The following RANBP3L variants were observed in gnomAD, a reference collection of about 807,000 sequenced individuals.
RANBP3L encodes ran-binding protein 3-like.
A neutral mutation model predicts 67.2 loss-of-function variants in RANBP3L; 56 were observed. The observed-to-expected ratio is 0.83, with a 90% CI of 0.67 to 1.04. RANBP3L has a LOEUF of 1.04. Among genes scored for constraint, RANBP3L ranks in the 50% least tolerant of loss-of-function variants. The pLI is 0.00. For synonymous variants in RANBP3L, 164 were observed against 181.4 expected (o/e 0.90, Z 0.77); for missense variants, 496 against 535.5 (o/e 0.93, Z 0.73).
At position 36,289,489 on chromosome 5, in the gene RANBP3L, G is replaced by A. The variant is rs185820122; in HGVS notation, c.91+11837C>T. Among the ~76,000 whole-genome samples the A allele has an allele frequency of 2.6e-5, 4 of 152,194 alleles. No individual in the cohort carries two copies. The East Asian group carries it at 5.8e-4, about 22-fold the overall frequency. The stretch of plus-strand genomic sequence containing the variant: ...TGACTCTATAGGTCAAGTTGAGGAC[G>A]ATTGACATCTTAACAATATTGAGCA... On this transcript the variant is annotated intron_variant, in intron 1 of 13. Transcript: ENST00000296604.
chr5:36,294,415 G>A (rs1003249802), intron 1 of RANBP3L, among the ~76,000 whole-genome samples: 1 of 151,898 alleles, frequency 6.6e-6, no homozygotes, highest in African/African-American at 2.4e-5. Context: ...GTTCTGCTCT[G>A]ATTTTAGTTA....
chr5:36,292,048 C>T (rs2112115596), intron 1 of RANBP3L, among the ~76,000 whole-genome samples: 1 of 142,424 alleles, frequency 7.0e-6, no homozygotes, highest in East Asian at 2.0e-4. Context: ...TTCTCCACAT[C>T]CTCTCCAGCA....
Position 36,256,938 on chromosome 5 carries a change from G to A in RANBP3L, c.903+3C>T. 6.2e-7 allele frequency: 1 copy of A among 1,610,938 alleles called. No individual in the cohort carries two copies. The highest frequency in any genetic ancestry group is 8.5e-7 in the Non-Finnish European group (1 of 1,178,202). ...CAGAAAGAGTAAAACATGATATACA[G>A]ACCTTTAACACATTATGTTCTGTTT... On this transcript the variant is annotated splice_donor_region_variant and intron_variant, in intron 10 of 13. Coordinates refer to ENST00000296604, the MANE Select transcript of RANBP3L (RefSeq NM_145000.5).
At chr5:36,260,736 G>C in intron 8 of RANBP3L, 44 bp downstream of exon 8, 2 of 784,198 alleles carry the variant, frequency 2.6e-6, no homozygotes. Context: ...AATTTAAAGT[G>C]ACAGCTCTGT....
chr5:36,261,154 CTT>C (rs982661516), intron 7 of RANBP3L, among the ~76,000 whole-genome samples: 2 of 152,152 alleles, frequency 1.3e-5, no homozygotes, highest in Non-Finnish European at 2.9e-5. Context: ...ACCCCTTTTG[CTT>C]TTCCAACACA....
At chr5:36,254,377 T>A (rs1385922182) in intron 11 of RANBP3L, among the ~76,000 whole-genome samples, 1 of 152,108 alleles carries the variant, frequency 6.6e-6, no homozygotes, top group African/African-American at 2.4e-5. Context: ...AAGATAGGCC[T>A]TTAAGTGACT....
intron 11 of RANBP3L, among the ~76,000 whole-genome samples, chr5:36,254,577 A>T (rs1300743861): frequency 6.6e-6 from 1 of 151,954 alleles, no homozygotes; most frequent in Non-Finnish European, 1.5e-5. Flanking sequence ...CCTTGGGACT[A>T]TTACTTGGTT....
chr5:36,271,139 T>C, intron 2 of RANBP3L, 114 bp downstream of exon 2: 1 of 689,846 alleles, frequency 1.4e-6, no homozygotes. Flanking sequence ...ACTACTCTGC[T>C]AGTAAAGAAC....
intron 4 of RANBP3L, 43 bp from the exon 5 acceptor site, chr5:36,265,563 G>A: frequency 8.4e-7 from 1 of 1,184,772 alleles, no homozygotes; most frequent in South Asian, 1.3e-5. Context: ...ACAGAAGAGT[G>A]TCAGATTCTA....
Position 36,274,458 on chromosome 5 carries a change from C to T in RANBP3L, c.92-3147G>A, listed in dbSNP as rs190316843. 5.3e-5 allele frequency among the ~76,000 whole-genome samples: 8 copies of T among 151,858 alleles called. No individual in the cohort carries two copies. In the East Asian group the frequency reaches 1.2e-3, roughly 22 times the overall value. ...GATGAGTAGAGGTTAGCCAGGCAAA[C>T]GTAGAAGAAGGACATTCCAAGCAGA... On this transcript the variant is annotated intron_variant, in intron 1 of 13. Transcript: ENST00000296604.
intron 8 of RANBP3L, among the ~76,000 whole-genome samples, 154 bp from the exon 9 acceptor site, chr5:36,257,710 G>C (rs1187345652): frequency 2.0e-5 from 3 of 152,174 alleles, no homozygotes; most frequent in Non-Finnish European, 4.4e-5. Context: ...GTGCTGAACA[G>C]AGAAATCGTC....
Position 36,265,068 on chromosome 5 carries a change from C to T in RANBP3L, c.371G>A (p.Arg124Lys), listed in dbSNP as rs747038144. ...GPVKHSKHVI[R>K]PAILQLPQAR... ...TTGAGGTAGCTGCAAAATAGCAGGT[C>T]TAATAACATGTTTAGAATGTTTCAC... is the stretch of plus-strand genomic sequence containing the variant. The change falls in exon 6 of 14, where the codon AGA becomes AAA. Residue 124 changes from arginine (R) to lysine (K), a missense_variant. Coordinates refer to ENST00000296604, the MANE Select transcript of RANBP3L (RefSeq NM_145000.5). The T allele has an allele frequency of 3.7e-6, 6 of 1,609,808 alleles. No homozygotes were observed. In the Admixed American group the frequency reaches 1.0e-4, roughly 27 times the overall value.
At chr5:36,287,530 T>C (rs1751412368) in intron 1 of RANBP3L, among the ~76,000 whole-genome samples, 1 of 152,166 alleles carries the variant, frequency 6.6e-6, no homozygotes, top group Admixed American at 6.5e-5. Context: ...ATTTTAGGTG[T>C]TTATTAAACG....
At chr5:36,284,624 G>A (rs889977396) in intron 1 of RANBP3L, among the ~76,000 whole-genome samples, 1 of 152,098 alleles carries the variant, frequency 6.6e-6, no homozygotes, top group Non-Finnish European at 1.5e-5. Context: ...GCTCTCCAAG[G>A]CTGTATCAGT....
intron 1 of RANBP3L, among the ~76,000 whole-genome samples, chr5:36,285,749 A>T (rs951532205): frequency 2.0e-5 from 3 of 152,194 alleles, no homozygotes; most frequent in Non-Finnish European, 2.9e-5. Context: ...GAGGCTTCTT[A>T]TTACAAGGTT....
intron 4 of RANBP3L, 27 bp from the exon 5 acceptor site, chr5:36,265,547 T>G (rs1749703062): frequency 4.4e-6 from 6 of 1,378,088 alleles, no homozygotes; most frequent in Middle Eastern, 1.9e-4. Flanking sequence ...TTAAATTTTT[T>G]TAAATACAGA....
chr5:36,287,719 G>T (rs186922266), intron 1 of RANBP3L, among the ~76,000 whole-genome samples: 43 of 152,232 alleles, frequency 2.8e-4, no homozygotes, highest in Non-Finnish European at 4.4e-4. Context: ...AATTTATCCT[G>T]TGCTAATCTC....
At chr5:36,256,570 C>T (rs1279140348) in intron 10 of RANBP3L, among the ~76,000 whole-genome samples, 6 of 151,976 alleles carry the variant, frequency 3.9e-5, no homozygotes, top group Non-Finnish European at 5.9e-5. Context: ...AGAAGGAAAA[C>T]GAAATTCTTA....
intron 1 of RANBP3L, among the ~76,000 whole-genome samples, chr5:36,299,707 G>A (rs570474671): frequency 6.6e-6 from 1 of 151,992 alleles, no homozygotes; most frequent in Non-Finnish European, 1.5e-5. Flanking sequence ...TAAAATATTA[G>A]AAATAAATAA....
Sources: gnomAD v4.1 joint callset for allele counts (sites outside exome capture counted in the v4.1 genomes callset) on GRCh38, gnomAD v4.1.1 for gene constraint, MANE v1.5 for transcripts, NCBI Gene and HGNC (gene_info 2026-07-23, HGNC 2026-07-21) for gene names.